FRMD6: variants seen among roughly 807,000 people sequenced by gnomAD.
FRMD6 encodes FERM domain-containing protein 6.
A neutral mutation model predicts 73.2 loss-of-function variants in FRMD6; 37 were observed. The ratio of observed to expected loss-of-function variants is 0.51; its 90% CI spans 0.39 to 0.66. FRMD6 has a LOEUF of 0.66. FRMD6 is among the 30% of genes least tolerant of loss of function. The pLI, the probability that FRMD6 is intolerant of heterozygous loss-of-function variation, is 0.00. For synonymous variants in FRMD6, 273 were observed against 282.2 expected (o/e 0.97, Z 0.33); for missense variants, 714 against 780.5 (o/e 0.91, Z 1.02).
chr14:51,516,381 G>A (rs10138487), intron 1 of FRMD6, among the ~76,000 whole-genome samples: 7,794 of 152,188 alleles, frequency 0.051, 430 homozygotes, highest in African/African-American at 0.13. Context: ...ATTGATTAAA[G>A]CATTCACTTG....
At chr14:51,605,631 C>G (rs1007214809) in intron 2 of FRMD6, among the ~76,000 whole-genome samples, 3 of 152,148 alleles carry the variant, frequency 2.0e-5, no homozygotes, top group Non-Finnish European at 4.4e-5. Flanking sequence ...AGGGAGGTGT[C>G]ATGCCCCCAT....
chr14:51,698,379 T>G, intron 3 of FRMD6, 147 bp downstream of exon 3: 1 of 439,668 alleles, frequency 2.3e-6, no homozygotes, highest in Non-Finnish European at 4.0e-6. Flanking sequence ...AGTGTAGGTG[T>G]AGTATTTAAT....
intron 1 of FRMD6, among the ~76,000 whole-genome samples, chr14:51,530,073 A>T (rs1161551606): frequency 6.6e-6 from 1 of 152,264 alleles, no homozygotes; most frequent in Non-Finnish European, 1.5e-5. Context: ...TGTTAAACAC[A>T]GCCACTGTTA....
At chr14:51,721,059 T>G (rs190175532) in intron 11 of FRMD6, among the ~76,000 whole-genome samples, 2 of 152,286 alleles carry the variant, frequency 1.3e-5, no homozygotes, top group East Asian at 3.9e-4. Context: ...GACCATCTTT[T>G]TGGTTTCTGT....
the FRMD6 span, among the ~76,000 whole-genome samples, chr14:51,439,143 G>C: frequency 7.9e-5 from 12 of 152,268 alleles, no homozygotes; most frequent in East Asian, 2.1e-3. Context: ...GAAATTCAAA[G>C]CTTTTTGATG....
intron 2 of FRMD6, among the ~76,000 whole-genome samples, chr14:51,577,271 GA>G (rs558939432): frequency 3.4e-4 from 49 of 143,954 alleles, no homozygotes; most frequent in Admixed American, 1.3e-3. Flanking sequence ...TACTCCAATG[GA>G]AAAAAAAAAA....
At chr14:51,701,967 C>G (rs1157294671) in intron 4 of FRMD6, among the ~76,000 whole-genome samples, 1 of 151,924 alleles carries the variant, frequency 6.6e-6, no homozygotes, top group Non-Finnish European at 1.5e-5. Context: ...CCTCGTGTTT[C>G]CAGAACCTCC....
In FRMD6 at chr14:51,568,055, G is replaced by T. The variant is rs914647472; in HGVS notation, c.-209-2293G>T. On this transcript the variant is annotated intron_variant, in intron 1 of 14. Coordinates refer to the FRMD6 transcript ENST00000356218. ...ATCTGTAGGCATCTTGCCTTGACGA[G>T]CTGAGAAGCACTGGCTTGCCATAAA... 3.9e-5 allele frequency among the ~76,000 whole-genome samples: 6 copies of T among 152,258 alleles called. No individual in the cohort carries two copies. In the South Asian group the frequency reaches 6.2e-4, roughly 16 times the overall value.
the FRMD6 span, among the ~76,000 whole-genome samples, chr14:51,472,284 T>C: frequency 2.0e-5 from 3 of 152,000 alleles, no homozygotes; most frequent in African/African-American, 7.3e-5. Context: ...GCTCAATTGC[T>C]GAAGGAATTA....
intron 1 of FRMD6, among the ~76,000 whole-genome samples, chr14:51,681,977 G>A (rs192573279): frequency 1.3e-5 from 2 of 152,202 alleles, no homozygotes; most frequent in Non-Finnish European, 2.9e-5. Context: ...CATATTCTGC[G>A]TGATTCTGTA....
At chr14:51,667,834 C>T (rs539827974) in intron 1 of FRMD6, among the ~76,000 whole-genome samples, 3 of 152,172 alleles carry the variant, frequency 2.0e-5, no homozygotes, top group South Asian at 4.2e-4. Flanking sequence ...TCTTTTAAAA[C>T]TCAAATACTG....
At chr14:51,579,441 A>T (rs984738739) in intron 2 of FRMD6, 5 of 152,242 alleles carry the variant, frequency 3.3e-5, no homozygotes, top group South Asian at 2.1e-4. Flanking sequence ...AAGAAAATTT[A>T]TCAAATCACT....
intron 2 of FRMD6, among the ~76,000 whole-genome samples, chr14:51,594,903 G>A (rs189861212): frequency 1.3e-5 from 2 of 152,354 alleles, no homozygotes; most frequent in African/African-American, 4.8e-5. Flanking sequence ...GAGCAAAATT[G>A]GCTGCTTTGG....
chr14:51,562,072 C>T (rs1036866319), intron 1 of FRMD6, among the ~76,000 whole-genome samples: 1 of 152,136 alleles, frequency 6.6e-6, no homozygotes, highest in Non-Finnish European at 1.5e-5. Flanking sequence ...GGGCCCAAGT[C>T]CGGCATCAAT....
At chr14:51,623,075 TG>T (rs1890987186) in intron 2 of FRMD6, among the ~76,000 whole-genome samples, 1 of 152,160 alleles carries the variant, frequency 6.6e-6, no homozygotes, top group South Asian at 2.1e-4. Flanking sequence ...TCTGTTTTCT[TG>T]GATGTACAAT....
At chr14:51,684,324 A>G (rs1216683939) in intron 1 of FRMD6, among the ~76,000 whole-genome samples, 1 of 152,174 alleles carries the variant, frequency 6.6e-6, no homozygotes, top group South Asian at 2.1e-4. Context: ...GTTTGGCTGT[A>G]TACTGCAGTA....
chr14:51,503,438 A>T (rs1254859950), intron 1 of FRMD6, among the ~76,000 whole-genome samples: 1 of 151,804 alleles, frequency 6.6e-6, no homozygotes, highest in African/African-American at 2.4e-5. Flanking sequence ...TGCCTTTTCT[A>T]TTAGGTGCCT....
At chr14:51,470,550 A>G in the FRMD6 span, among the ~76,000 whole-genome samples, 1 of 151,746 alleles carries the variant, frequency 6.6e-6, no homozygotes, top group African/African-American at 2.4e-5. Flanking sequence ...TTTCTCTTTT[A>G]TCTATCTATT....
chr14:51,519,577 G>T (rs1884829056), intron 1 of FRMD6, among the ~76,000 whole-genome samples: 1 of 152,216 alleles, frequency 6.6e-6, no homozygotes, highest in Non-Finnish European at 1.5e-5. Flanking sequence ...GAAGAAGCTT[G>T]AGTTTTTTAA....
Sources: allele counts gnomAD v4.1 joint callset (sites outside exome capture counted in the v4.1 genomes callset), GRCh38; gene constraint gnomAD v4.1.1; transcripts MANE v1.5; gene names NCBI Gene and HGNC (gene_info 2026-07-23, HGNC 2026-07-21).